RNF169: variants seen among roughly 807,000 people sequenced by gnomAD.
RNF169 encodes the protein ring finger protein 169.
A neutral mutation model predicts 53.9 loss-of-function variants in RNF169; 24 were observed. The ratio of observed to expected loss-of-function variants is 0.45; its 90% CI spans 0.32 to 0.63. The LOEUF is 0.63. Among genes scored for constraint, RNF169 ranks in the 20% least tolerant of loss-of-function variants. RNF169 has a pLI of 0.04. For missense variants in RNF169, 883 were observed against 906.2 expected (o/e 0.97, Z 0.33); for synonymous variants, 396 against 363.5 (o/e 1.09, Z -1.02).
At chr11:74,815,310 C>T (rs2035928757) in intron 3 of RNF169, among the ~76,000 whole-genome samples, 1 of 152,126 alleles carries the variant, frequency 6.6e-6, no homozygotes, top group African/African-American at 2.4e-5. Flanking sequence ...AATCCCAGCA[C>T]TTTGGGAGGC....
chr11:74,809,794 G>A (rs2035851487), intron 2 of RNF169, among the ~76,000 whole-genome samples: 1 of 152,256 alleles, frequency 6.6e-6, no homozygotes, highest in Non-Finnish European at 1.5e-5. Context: ...GCCTCGTCCA[G>A]CTTCTCTGGC....
chr11:74,800,846 C>T (rs1465120330), intron 2 of RNF169, among the ~76,000 whole-genome samples: 1 of 151,932 alleles, frequency 6.6e-6, no homozygotes, highest in African/African-American at 2.4e-5. Context: ...AGCAAGTGTC[C>T]CCCTCTTCAT....
At chr11:74,773,589 T>G (rs1206104911) in intron 1 of RNF169, among the ~76,000 whole-genome samples, 3 of 152,162 alleles carry the variant, frequency 2.0e-5, no homozygotes, top group Admixed American at 6.5e-5. Context: ...TATTCTTACA[T>G]GTTTATTTTT....
At position 74,836,649 on chromosome 11, in the gene RNF169, T is replaced by C. The variant is rs2135156507; in HGVS notation, c.2046T>C (p.Asn682=). ...TGCAGTTGCAGCGCATGTTCGACAA[T>C]GAGAGGCGGACTGTGAGCCGGCGAA... ...LALQLQRMFD[N]ERRTVSRRKG... Residue 682 remains asparagine, a synonymous_variant, in exon 6 of 6, where the codon AAT becomes AAC. Coordinates refer to ENST00000299563, the MANE Select transcript of RNF169 (RefSeq NM_001098638.2). 1.2e-6 allele frequency: 2 copies of C among 1,613,750 alleles called. No individual in the cohort carries two copies. The highest frequency in any genetic ancestry group is 1.1e-5 in the South Asian group (1 of 91,066).
At chr11:74,808,355 T>C (rs1200008705) in intron 2 of RNF169, among the ~76,000 whole-genome samples, 1 of 152,122 alleles carries the variant, frequency 6.6e-6, no homozygotes, top group Non-Finnish European at 1.5e-5. Flanking sequence ...TTCTTAAAAA[T>C]AGCAATATTT....
At chr11:74,751,143 TTACAG>T (rs148603303) in intron 1 of RNF169, among the ~76,000 whole-genome samples, 4,884 of 152,216 alleles carry the variant, frequency 0.032, 237 homozygotes, top group African/African-American at 0.11. Flanking sequence ...AGTGTTGGGA[TTACAG>T]GCGTGAGCCA....
rs1204367013 is a variant in RNF169 at position 74,802,098 on chromosome 11, A to G, written c.577-8086A>G. ...TCCCAAATTATTTCTTTAGTATACT[A>G]TTATTGGATGGTGGTCCATTTAACC... On this transcript the variant is annotated intron_variant, in intron 2 of 5. Coordinates refer to ENST00000299563, the MANE Select transcript of RNF169 (RefSeq NM_001098638.2). 2.6e-5 allele frequency among the ~76,000 whole-genome samples: 4 copies of G among 152,196 alleles called. No homozygotes were observed. In the South Asian group the frequency reaches 8.3e-4, roughly 32 times the overall value.
intron 2 of RNF169, 65 bp from the exon 3 acceptor site, chr11:74,810,119 G>A: frequency 7.1e-7 from 1 of 1,416,774 alleles, no homozygotes; most frequent in Non-Finnish European, 9.7e-7. Flanking sequence ...AAACTACAGA[G>A]TAAAATATGT....
At chr11:74,789,457 A>G (rs1190089808) in intron 1 of RNF169, among the ~76,000 whole-genome samples, 169 bp from the exon 2 acceptor site, 2 of 152,224 alleles carry the variant, frequency 1.3e-5, no homozygotes, top group South Asian at 4.1e-4. Context: ...AGAAGGAGAC[A>G]GAAGTGTATA....
intron 4 of RNF169, 70 bp from the exon 5 acceptor site, chr11:74,834,606 T>C (rs543363464): frequency 1.4e-5 from 15 of 1,080,174 alleles, no homozygotes; most frequent in South Asian, 1.3e-4. Context: ...CAAAAAGATA[T>C]TGTCATCCTT....
Position 74,837,579 on chromosome 11 carries a change from T to C in RNF169, c.*849T>C, listed in dbSNP as rs1268672849. 1.3e-5 allele frequency: 2 copies of C among 152,264 alleles called. No homozygotes were observed. Among genetic ancestry groups the C allele is most frequent in the African/African-American group, 2.4e-5 (1 of 41,476 alleles). The allele number at this position is 152,264 out of a possible 1,614,324, so 9.4% of individuals were successfully genotyped here. ...AAGATCGACAGGGTGGATAAACATA[T>C]ATGTGCATTATCCCCATCCCCCACA... On this transcript the variant is annotated 3_prime_UTR_variant, in exon 6 of 6. Transcript: ENST00000299563.
chr11:74,840,032 T>C lies in RNF169; in HGVS notation c.*3302T>C, dbSNP rs777393169. 6 of 152,226 alleles carry C rather than the reference T, an allele frequency of 3.9e-5. No homozygotes were observed. The highest frequency in any genetic ancestry group is 8.8e-5 in the Non-Finnish European group (6 of 68,038). The allele number at this position is 152,226 out of a possible 1,614,324, so 9.4% of individuals were successfully genotyped here. On this transcript the variant is annotated 3_prime_UTR_variant, in exon 6 of 6. Coordinates refer to ENST00000299563, the MANE Select transcript of RNF169 (RefSeq NM_001098638.2). ...TTGTTCATTTTCCCTAAAGGAAAAA[T>C]GTCCTTAAGAGATTAAAGCTCTTAA... is the stretch of plus-strand genomic sequence containing the variant.
Position 74,839,238 on chromosome 11 carries a change from A to C in RNF169, c.*2508A>C, listed in dbSNP as rs962710801. On this transcript the variant is annotated 3_prime_UTR_variant, in exon 6 of 6. Transcript: ENST00000299563. ...ACTTCCTGCTGAGCAACAGTCCTTC[A>C]AATATAGGTAGAGTGGTCTAGGTTA... is the stretch of plus-strand genomic sequence containing the variant. 1 of 152,168 alleles carries C rather than the reference A, an allele frequency of 6.6e-6. No homozygotes were observed. Among genetic ancestry groups the C allele is most frequent in the African/African-American group, 2.4e-5 (1 of 41,428 alleles). 9.4% of individuals were successfully genotyped at this position (152,168 alleles called of 1,614,324 possible).
intron 4 of RNF169, among the ~76,000 whole-genome samples, chr11:74,828,758 A>C (rs549907284): frequency 6.6e-6 from 1 of 152,324 alleles, no homozygotes; most frequent in East Asian, 1.9e-4. Context: ...CTATTTAGTA[A>C]GTGGTGCTGG....
At chr11:74,763,870 G>A (rs2035129863) in intron 1 of RNF169, among the ~76,000 whole-genome samples, 2 of 152,118 alleles carry the variant, frequency 1.3e-5, no homozygotes, top group South Asian at 4.1e-4. Flanking sequence ...GTTTTGAGAC[G>A]AGGTCTTGCT....
chr11:74,829,894 C>T (rs2036153620), intron 4 of RNF169, among the ~76,000 whole-genome samples: 1 of 152,110 alleles, frequency 6.6e-6, no homozygotes, highest in African/African-American at 2.4e-5. Flanking sequence ...GGAAAAATAG[C>T]TAATGGATGC....
intron 1 of RNF169, among the ~76,000 whole-genome samples, chr11:74,762,870 G>A (rs1241031892): frequency 2.0e-5 from 3 of 152,202 alleles, no homozygotes; most frequent in African/African-American, 7.2e-5. Context: ...GTATTGCCCT[G>A]GAGCAGAGTG....
Position 74,841,979 on chromosome 11 carries a change from GAAAA to G in RNF169, c.*5253_*5256del, listed in dbSNP as rs2036620295. Reference sequence around the variant, plus strand: ...GTGAGAGAATAGATACTATGCAAGGGAAAAAAATTTAAATGCCAACGAATAGTTT... The same window carrying G: ...GTGAGAGAATAGATACTATGCAAGGGAAATTTAAATGCCAACGAATAGTTT... On this transcript the variant is annotated 3_prime_UTR_variant, in exon 6 of 6. Coordinates refer to ENST00000299563, the MANE Select transcript of RNF169 (RefSeq NM_001098638.2). The G allele has an allele frequency of 6.6e-6, 1 of 151,172 alleles. No individual in the cohort carries two copies. Among genetic ancestry groups the G allele is most frequent in the African/African-American group, 2.4e-5 (1 of 41,056 alleles). 9.4% of individuals were successfully genotyped at this position (151,172 alleles called of 1,614,324 possible).
In RNF169 at chr11:74,835,924, C is replaced by T. The variant is rs372547886; in HGVS notation, c.1321C>T (p.Arg441Trp). 3.1e-6 allele frequency: 5 copies of T among 1,614,132 alleles called. No individual in the cohort carries two copies. The highest frequency in any genetic ancestry group is 2.2e-5 in the East Asian group (1 of 44,870). Residue 441 changes from arginine to tryptophan, a missense_variant, in exon 6 of 6, where the codon CGG (arginine) becomes TGG (tryptophan). Physicochemically the swap from Arg to Trp is moderately radical, Grantham distance 101 (BLOSUM62 -3). Coordinates refer to ENST00000299563, the MANE Select transcript of RNF169 (RefSeq NM_001098638.2). ...AAAGTGGGAACAGATCTTTCAGGAG[C>T]GGCAGATCAAAAAGACCCTTTCAAA... ...LKKWEQIFQE[R>W]QIKKTLSKAT...
Sources: gnomAD v4.1 joint callset for allele counts (sites outside exome capture counted in the v4.1 genomes callset) on GRCh38, gnomAD v4.1.1 for gene constraint, MANE v1.5 for transcripts, NCBI Gene and HGNC (gene_info 2026-07-23, HGNC 2026-07-21) for gene names.